LRBA: variants seen among roughly 807,000 people sequenced by gnomAD.
LRBA encodes the protein LPS responsive beige-like anchor protein.
Under a neutral mutation model 330.0 loss-of-function variants are expected in LRBA, and 176 were observed. The ratio of observed to expected loss-of-function variants is 0.53; its 90% CI spans 0.47 to 0.60. The LOEUF (loss-of-function observed/expected upper bound fraction) is 0.60. Ranked by LOEUF, LRBA falls within the 20% of genes least tolerant of loss-of-function variation. The pLI is 0.00. For synonymous variants in LRBA, 1,230 were observed against 1,193.0 expected (o/e 1.03, Z -0.64); for missense variants, 3,259 against 3,444.8 (o/e 0.95, Z 1.35).
Position 150,519,954 on chromosome 4 carries a change from A to G in LRBA, c.6331-28919T>C, listed in dbSNP as rs543472086. Among the ~76,000 whole-genome samples the G allele has an allele frequency of 2.6e-5, 4 of 152,276 alleles. No individual in the cohort carries two copies. The East Asian group carries it at 7.7e-4, about 29-fold the overall frequency. On this transcript the variant is annotated intron_variant, in intron 40 of 56. Coordinates refer to ENST00000651943, the MANE Select transcript of LRBA (RefSeq NM_001364905.1). ...AACAAATTGTGCTGAACATTTTTTC[A>G]GGTGCTTATTGGCCACTCACCTGCC...
intron 22 of LRBA, among the ~76,000 whole-genome samples, chr4:150,862,075 G>C (rs1022820086): frequency 4.6e-5 from 7 of 152,142 alleles, no homozygotes; most frequent in African/African-American, 1.7e-4. Context: ...CTTTTACACT[G>C]TTGGTGGGAC....
At chr4:150,443,209 A>G (rs1752059918) in intron 44 of LRBA, among the ~76,000 whole-genome samples, 1 of 152,146 alleles carries the variant, frequency 6.6e-6, no homozygotes. Context: ...GCTGTGCTGC[A>G]GAGGATGTAG....
At chr4:150,408,159 T>C (rs1163576276) in intron 47 of LRBA, among the ~76,000 whole-genome samples, 1 of 148,082 alleles carries the variant, frequency 6.8e-6, no homozygotes, top group African/African-American at 2.5e-5. Flanking sequence ...TTAGCAAGAC[T>C]GAGCCAGAAA....
intron 35 of LRBA, among the ~76,000 whole-genome samples, chr4:150,747,470 G>C (rs990484080): frequency 3.3e-5 from 5 of 152,168 alleles, no homozygotes; most frequent in African/African-American, 7.2e-5. Flanking sequence ...ACCCAGCAGT[G>C]CTTATAAGGA....
At chr4:150,922,914 T>C (rs1281349349) in intron 4 of LRBA, among the ~76,000 whole-genome samples, 8 of 152,152 alleles carry the variant, frequency 5.3e-5, no homozygotes, top group African/African-American at 1.9e-4. Context: ...GGGGAACATT[T>C]CCAAAGTCAC....
rs1582289068 is a variant in LRBA at position 150,767,680 on chromosome 4, C to T, written c.5581-5833G>A. Among the ~76,000 whole-genome samples the T allele has an allele frequency of 2.0e-5, 3 of 150,756 alleles. No homozygotes were observed. The South Asian group carries it at 6.3e-4, about 32-fold the overall frequency. ...GGCTGAGGCAGGAGAATGGCGTGAA[C>T]CCGGGAGGCAGAGCTTGCAGTGAGC... On this transcript the variant is annotated intron_variant, in intron 34 of 56. Transcript: ENST00000651943.
chr4:150,417,026 G>T (rs996239078), intron 46 of LRBA, among the ~76,000 whole-genome samples: 4 of 152,074 alleles, frequency 2.6e-5, no homozygotes, highest in African/African-American at 7.2e-5. Flanking sequence ...TAACTGTAAA[G>T]CCTGTGTCCT....
At chr4:150,451,890 G>A (rs1304982657) in intron 44 of LRBA, among the ~76,000 whole-genome samples, 2 of 152,012 alleles carry the variant, frequency 1.3e-5, no homozygotes, top group South Asian at 2.1e-4. Flanking sequence ...AAGATAACCC[G>A]AATAGCACTT....
chr4:150,855,141 C>T (rs190884967), intron 22 of LRBA, among the ~76,000 whole-genome samples: 58 of 152,224 alleles, frequency 3.8e-4, no homozygotes, highest in African/African-American at 1.3e-3. Flanking sequence ...ACCTGTAATC[C>T]CAGCTACTCA....
chr4:150,398,050 T>C (rs1176916129), intron 47 of LRBA, among the ~76,000 whole-genome samples: 1 of 152,190 alleles, frequency 6.6e-6, no homozygotes, highest in Non-Finnish European at 1.5e-5. Flanking sequence ...TTTTAGTATC[T>C]TCTCTAGCAC....
rs574889942 is a variant in LRBA, at chr4:150,777,303, C to T, written c.5581-15456G>A. 1.3e-3 allele frequency among the ~76,000 whole-genome samples: 197 copies of T among 151,958 alleles called. 1 individual carries two copies. The highest frequency in any genetic ancestry group is 1.0e-3 in the Non-Finnish European group (69 of 68,006). ...TACCAAATGGAATTTGAGTTTATTTCCATTTCTACTCGTAGTAATACTACC... is the reference window on the plus strand; with the variant it reads ...TACCAAATGGAATTTGAGTTTATTTTCATTTCTACTCGTAGTAATACTACC... On this transcript the variant is annotated intron_variant, in intron 34 of 56. Transcript: ENST00000651943.
intron 30 of LRBA, among the ~76,000 whole-genome samples, chr4:150,824,838 G>T (rs1346467912): frequency 6.6e-6 from 1 of 151,854 alleles, no homozygotes. Context: ...GCAGTGGCAT[G>T]AACACAGCTC....
intron 44 of LRBA, among the ~76,000 whole-genome samples, chr4:150,438,303 G>A (rs1388678533): frequency 6.6e-6 from 1 of 152,058 alleles, no homozygotes; most frequent in East Asian, 1.9e-4. Context: ...GCAACATAGT[G>A]AGACCCTGTT....
intron 44 of LRBA, among the ~76,000 whole-genome samples, chr4:150,455,591 C>T (rs953499753): frequency 1.3e-5 from 2 of 152,056 alleles, no homozygotes; most frequent in South Asian, 4.2e-4. Context: ...TGTTTTGATA[C>T]AGGCAAGCAA....
intron 14 of LRBA, among the ~76,000 whole-genome samples, chr4:150,898,133 G>A (rs1283452236): frequency 2.0e-5 from 3 of 151,826 alleles, no homozygotes; most frequent in African/African-American, 4.8e-5. Context: ...AATAATATAC[G>A]TATTTTAAGA....
At chr4:150,385,420 T>A (rs972614762) in intron 47 of LRBA, among the ~76,000 whole-genome samples, 1 of 152,230 alleles carries the variant, frequency 6.6e-6, no homozygotes, top group Non-Finnish European at 1.5e-5. Flanking sequence ...TGTTTAATTT[T>A]AAAATTTACT....
intron 37 of LRBA, among the ~76,000 whole-genome samples, chr4:150,652,225 T>G (rs919770380): frequency 4.6e-5 from 7 of 152,134 alleles, no homozygotes; most frequent in African/African-American, 1.7e-4. Flanking sequence ...TCAATGTTTC[T>G]CTCTCTCCCT....
Position 150,681,160 on chromosome 4 carries a change from T to C in LRBA, c.5921+2391A>G, listed in dbSNP as rs115189918. On this transcript the variant is annotated intron_variant, in intron 37 of 56. Transcript: ENST00000651943. ...TTTCTTTTAGCAGGCTTAGCATAGT[T>C]AAATGCATTACAGCTACAGTATGAC... Among the ~76,000 whole-genome samples the C allele has an allele frequency of 7.1e-3, 1,086 of 152,348 alleles. 8 individuals are homozygous for C. The highest frequency in any genetic ancestry group is 0.012 in the Non-Finnish European group (792 of 68,032).
At chr4:150,817,653 AAAG>A (rs1217290616) in intron 30 of LRBA, among the ~76,000 whole-genome samples, 1 of 151,912 alleles carries the variant, frequency 6.6e-6, no homozygotes, top group African/African-American at 2.4e-5. Context: ...TTAAAAAAAA[AAAG>A]CAGATATAAG....
Sources: gnomAD v4.1 joint callset for allele counts (sites outside exome capture counted in the v4.1 genomes callset) on GRCh38, gnomAD v4.1.1 for gene constraint, MANE v1.5 for transcripts, NCBI Gene and HGNC (gene_info 2026-07-23, HGNC 2026-07-21) for gene names.